The following MKI67 variants were observed in gnomAD, a reference collection of about 807,000 sequenced individuals.
MKI67 encodes the protein marker of proliferation Ki-67, also known as proliferation marker protein Ki-67.
Under a neutral mutation model 233.5 loss-of-function variants are expected in MKI67, and 152 were observed. The ratio of observed to expected loss-of-function variants is 0.65; its 90% CI spans 0.57 to 0.74. The LOEUF is 0.74. Among genes scored for constraint, MKI67 ranks in the 30% least tolerant of loss-of-function variants. MKI67 has a pLI of 0.00. For synonymous variants in MKI67, 1,465 were observed against 1,418.5 expected, an observed-to-expected ratio of 1.03 and a Z score of -0.74; for missense variants, 3,940 against 3,885.2, an observed-to-expected ratio of 1.01 and a Z score of -0.37.
At chr10:128,111,358 A>G (rs1852670441) in intron 11 of MKI67, among the ~76,000 whole-genome samples, 1 of 152,226 alleles carries the variant, frequency 6.6e-6, no homozygotes, top group African/African-American at 2.4e-5. Context: ...ACTGTAAAGC[A>G]CCTTCCAGCT....
intron 4 of MKI67, among the ~76,000 whole-genome samples, chr10:128,121,989 G>A (rs898630669): frequency 2.0e-5 from 3 of 152,040 alleles, no homozygotes; most frequent in Admixed American, 2.0e-4. Flanking sequence ...AGTGAAACTC[G>A]AGACGTTTAT....
In MKI67 at chr10:128,108,289, T is replaced by C; in HGVS notation, c.3551A>G (p.Glu1184Gly). ...MLTPKPAGGD[E>G]KDIKAFMGTP... The stretch of plus-strand genomic sequence containing the variant: ...TCCCATAAATGCTTTAATGTCTTTC[T>C]CATCACCTCCTGCTGGTTTGGGCGT... The change falls in exon 13 of 15, where the codon GAG becomes GGG. Residue 1184 changes from glutamate (E) to glycine (G), a missense_variant. Physicochemically the swap from Glu to Gly is moderately conservative, Grantham distance 98 (BLOSUM62 -2). Transcript: ENST00000368654. The C allele has an allele frequency of 6.2e-7, 1 of 1,614,054 alleles. No homozygotes were observed. Among genetic ancestry groups the C allele is most frequent in the Non-Finnish European group, 8.5e-7 (1 of 1,179,998 alleles).
Position 128,115,425 on chromosome 10 carries a change from G to A in MKI67, c.983C>T (p.Thr328Ile). The change falls in exon 7 of 15, where the codon ACT becomes ATT. Residue 328 changes from threonine (T) to isoleucine (I), a missense_variant. Physicochemically the swap from Thr to Ile is moderately conservative, Grantham distance 89. Transcript: ENST00000368654. ...GCTGGCGCCCACAGCCTTGCTGGGA[G>A]TCTGAACAGACTCCACGTCTCTTCC... Reference protein sequence around the residue: ...GKGRDVESVQTPSKAVGASFP... With the variant: ...GKGRDVESVQIPSKAVGASFP... The A allele has an allele frequency of 1.2e-6, 2 of 1,614,080 alleles. No individual in the cohort carries two copies. The highest frequency in any genetic ancestry group is 2.2e-5 in the South Asian group (2 of 91,078).
rs565319928 is a variant in MKI67, at chr10:128,113,783, C to T, written c.1481-181G>A. Among the ~76,000 whole-genome samples the T allele has an allele frequency of 3.9e-5, 6 of 152,272 alleles. No homozygotes were observed. In the East Asian group the frequency reaches 7.7e-4, roughly 20 times the overall value. On this transcript the variant is annotated intron_variant, in intron 7 of 14. Transcript: ENST00000368654. ...GCTACTAAGAGTTCCTAAAGGATTG[C>T]GGGAGTGGCCACTAAGACGTCAAGT... is the stretch of plus-strand genomic sequence containing the variant.
At position 128,105,095 on chromosome 10, in the gene MKI67, C is replaced by T. The variant is rs1320301034; in HGVS notation, c.6745G>A (p.Glu2249Lys). The change falls in exon 13 of 15, where the codon GAG becomes AAG. Residue 2249 changes from glutamate (E) to lysine (K), a missense_variant. Transcript: ENST00000368654. The part of the protein sequence containing the change: ...SKRSLRKADV[E>K]EESLALRKRT... ...TTCCTGAGTGCTAAGGATTCTTCCT[C>T]TACGTCTGCTTTCCTGAGACTTCTC... The T allele has an allele frequency of 6.2e-7, 1 of 1,613,922 alleles. No homozygotes were observed. The highest frequency in any genetic ancestry group is 1.3e-5 in the African/African-American group (1 of 74,828).
intron 11 of MKI67, 116 bp downstream of exon 11, chr10:128,111,528 AG>A: frequency 1.1e-6 from 1 of 925,378 alleles, no homozygotes; most frequent in Non-Finnish European, 1.6e-6. Flanking sequence ...AGGGTGATTG[AG>A]TCGTTTATTT....
rs28574934 is a variant in MKI67, at chr10:128,098,239, G to A, written c.*951C>T. ...TTCGGAGGCAGCGGCTCACAAGGAA[G>A]CGATCCTGAAATCGTGGCTGAAGGT... is the stretch of plus-strand genomic sequence containing the variant. On this transcript the variant is annotated 3_prime_UTR_variant, in exon 15 of 15. Transcript: ENST00000368654. The A allele has an allele frequency of 0.088, 13,455 of 152,388 alleles. 668 individuals are homozygous for A. Among genetic ancestry groups the A allele is most frequent in the East Asian group, 0.14 (745 of 5,174 alleles). The allele number at this position is 152,388 out of a possible 1,614,324, so 9.4% of individuals were successfully genotyped here.
In MKI67 at chr10:128,104,128, T is replaced by C. The variant is rs1388430658; in HGVS notation, c.7712A>G (p.His2571Arg). 1 of 1,614,078 alleles carries C rather than the reference T, an allele frequency of 6.2e-7. No homozygotes were observed. The highest frequency in any genetic ancestry group is 2.2e-5 in the East Asian group (1 of 44,890). ...GTCAATAGTCATTGACTCTTCAGTG[T>C]GACCTGGTGCTGAGAAGAGCTCTTT... Reference protein sequence around the residue: ...DFKELFSAPGHTEESMTIDKN... With the variant: ...DFKELFSAPGRTEESMTIDKN... Residue 2571 changes from histidine to arginine, a missense_variant, in exon 13 of 15, where the codon CAC (histidine) becomes CGC (arginine). Physicochemically the swap from His to Arg is conservative, Grantham distance 29 (BLOSUM62 0). Coordinates refer to ENST00000368654, the MANE Select transcript of MKI67 (RefSeq NM_002417.5).
At position 128,109,259 on chromosome 10, in the gene MKI67, T is replaced by C. The variant is rs1261979652; in HGVS notation, c.2581A>G (p.Thr861Ala). Residue 861 changes from threonine to alanine, a missense_variant, in exon 13 of 15, where the codon ACT becomes GCT. Coordinates refer to ENST00000368654, the MANE Select transcript of MKI67 (RefSeq NM_002417.5). ...MTSLETKTSD[T>A]ETEPSKTVST... ...ACTGTTTTTGAAGGCTCTGTCTCAG[T>C]ATCTGAAGTTTTTGTCTCCAGAGAA... 1 of 1,614,084 alleles carries C rather than the reference T, an allele frequency of 6.2e-7. No homozygotes were observed.
Position 128,108,738 on chromosome 10 carries a change from C to A in MKI67, c.3102G>T (p.Val1034=). ...TGCCGACTGCTAGGAGCTCTTCTTTCACACCTACTTTCCCCAGGGATGCCT... is the reference window on the plus strand; with the variant it reads ...TGCCGACTGCTAGGAGCTCTTCTTTAACACCTACTTTCCCCAGGGATGCCT... ...QLKASLGKVG[V]KEELLAVGKF... is the part of the protein sequence containing the mutation. Residue 1034 remains valine, a synonymous_variant, in exon 13 of 15, where the codon GTG becomes GTT. Transcript: ENST00000368654. The A allele has an allele frequency of 6.2e-7, 1 of 1,614,206 alleles. No individual in the cohort carries two copies. The highest frequency in any genetic ancestry group is 8.5e-7 in the Non-Finnish European group (1 of 1,180,020).
chr10:128,099,341 T>A, intron 14 of MKI67, 86 bp from the exon 15 acceptor site: 3 of 966,512 alleles, frequency 3.1e-6, no homozygotes, highest in Non-Finnish European at 4.7e-6. Context: ...CCCCAAAGGC[T>A]TACTAGGTAT....
chr10:128,125,269 C>G lies in MKI67; in HGVS notation c.92+307G>C, dbSNP rs1853030492. Among the ~76,000 whole-genome samples, 1 of 152,162 alleles carries G rather than the reference C, an allele frequency of 6.6e-6. No homozygotes were observed. Among genetic ancestry groups the G allele is most frequent in the African/African-American group, 2.4e-5 (1 of 41,444 alleles). ...GGAGGCACCCGGGGGCGCACAGTGTCTTCAGACGCCTGCCTGCAGCCAGTG... is the reference window on the plus strand; with the variant it reads ...GGAGGCACCCGGGGGCGCACAGTGTGTTCAGACGCCTGCCTGCAGCCAGTG... On this transcript the variant is annotated intron_variant, in intron 2 of 14. Transcript: ENST00000368654. The surrounding 1 kb of genome is among the most constrained non-coding windows in gnomAD (Gnocchi z 5.3).
At position 128,125,706 on chromosome 10, in the gene MKI67, G is replaced by C; in HGVS notation, c.-39C>G. On this transcript the variant is annotated 5_prime_UTR_variant, in exon 2 of 15. Transcript: ENST00000368654. This position sits in a 1 kb window ranked among gnomAD's most constrained non-coding sequence, Gnocchi z 5.3. The stretch of plus-strand genomic sequence containing the variant: ...AGTTGAGTATAATCCGTAGGGGAAG[G>C]CCAGGTATAATCCGTAGGGGAAGGC... 5 of 1,551,010 alleles carry C rather than the reference G, an allele frequency of 3.2e-6. No homozygotes were observed. Among genetic ancestry groups the C allele is most frequent in the Non-Finnish European group, 4.4e-6 (5 of 1,123,964 alleles).
At position 128,098,232 on chromosome 10, in the gene MKI67, C is replaced by T. The variant is rs1852254446; in HGVS notation, c.*958G>A. On this transcript the variant is annotated 3_prime_UTR_variant, in exon 15 of 15. Transcript: ENST00000368654. Reference sequence around the variant, plus strand: ...AGGAGATTTCGGAGGCAGCGGCTCACAAGGAAGCGATCCTGAAATCGTGGC... The same window carrying T: ...AGGAGATTTCGGAGGCAGCGGCTCATAAGGAAGCGATCCTGAAATCGTGGC... 6.6e-6 allele frequency: 1 copy of T among 152,360 alleles called. No homozygotes were observed. Among genetic ancestry groups the T allele is most frequent in the Non-Finnish European group, 1.5e-5 (1 of 68,116 alleles). 9.4% of individuals were successfully genotyped at this position (152,360 alleles called of 1,614,324 possible). A position where few individuals can be genotyped will look rare whatever the true frequency, so the allele number is the denominator to read the frequency against.
rs1286093818 is a variant in MKI67 at position 128,110,404 on chromosome 10, G to A, written c.2390C>T (p.Pro797Leu). The A allele has an allele frequency of 1.3e-6, 2 of 1,573,246 alleles. No individual in the cohort carries two copies. Among genetic ancestry groups the A allele is most frequent in the Admixed American group, 3.4e-5 (2 of 59,308 alleles). Residue 797 changes from proline (P) to leucine (L), a missense_variant, in exon 12 of 15, where the codon CCT (proline) becomes CTT (leucine). Pro to Leu is a moderately conservative substitution (Grantham distance 98). Coordinates refer to ENST00000368654, the MANE Select transcript of MKI67 (RefSeq NM_002417.5). ...QFQGTDSGEE[P>L]LLPTSESFGG... Reference sequence around the variant, plus strand: ...AAAACTCTCTGAGGTGGGGAGCAGAGGTTCTTCTCCTGAATCAGTTCCTTG... The same window carrying A: ...AAAACTCTCTGAGGTGGGGAGCAGAAGTTCTTCTCCTGAATCAGTTCCTTG...
At chr10:128,122,673 C>T (rs1852972784) in intron 4 of MKI67, among the ~76,000 whole-genome samples, 1 of 152,200 alleles carries the variant, frequency 6.6e-6, no homozygotes, top group Admixed American at 6.5e-5. Context: ...ATTATTTGCA[C>T]CCAAATCCTT....
intron 2 of MKI67, 99 bp from the exon 3 acceptor site, chr10:128,123,268 C>T (rs1852989391): frequency 1.2e-6 from 1 of 839,536 alleles, no homozygotes; most frequent in Non-Finnish European, 2.0e-6. Context: ...AATGTTTGAT[C>T]TGTAAATATG....
chr10:128,104,018 G>A lies in MKI67; in HGVS notation c.7822C>T (p.Pro2608Ser). ...AGCTCCTCTTTTACTTCTTTCCTGG[G>A]ACGTGTCTTGGGGCATCTCTTTGTG... ...TSTKRCPKTR[P>S]RKEVKEELSA... Residue 2608 changes from proline (P) to serine (S), a missense_variant, in exon 13 of 15, where the codon CCC (proline) becomes TCC (serine). Pro to Ser is a moderately conservative substitution (Grantham distance 74). Transcript: ENST00000368654. 1.2e-6 allele frequency: 2 copies of A among 1,613,984 alleles called. No homozygotes were observed. The highest frequency in any genetic ancestry group is 1.7e-6 in the Non-Finnish European group (2 of 1,180,024).
At position 128,110,449 on chromosome 10, in the gene MKI67, T is replaced by G. The variant is rs1490539255; in HGVS notation, c.2345A>C (p.Asn782Thr). Residue 782 changes from asparagine (N) to threonine (T), a missense_variant, in exon 12 of 15, where the codon AAT (asparagine) becomes ACT (threonine). Asn to Thr is a moderately conservative substitution (Grantham distance 65, BLOSUM62 0). Coordinates refer to ENST00000368654, the MANE Select transcript of MKI67 (RefSeq NM_002417.5). ...TCHIAISNSE[N>T]LLGKQFQGTD... ...TCCTTGAAACTGTTTTCCAAGCAAATTCTCTGAATTTGAAATAGCGATGTG... is the reference window on the plus strand; with the variant it reads ...TCCTTGAAACTGTTTTCCAAGCAAAGTCTCTGAATTTGAAATAGCGATGTG... 6 of 1,589,446 alleles carry G rather than the reference T, an allele frequency of 3.8e-6. No homozygotes were observed. Among genetic ancestry groups the G allele is most frequent in the Non-Finnish European group, 5.2e-6 (6 of 1,160,292 alleles).
Sources: gnomAD v4.1 joint callset for allele counts (sites outside exome capture counted in the v4.1 genomes callset) on GRCh38, gnomAD v4.1.1 for gene constraint, Gnocchi (gnomAD v3.1) non-coding constraint, MANE v1.5 for transcripts, NCBI Gene and HGNC (gene_info 2026-07-23, HGNC 2026-07-21) for gene names.